Variants in ALG12 observed in about 807,000 individuals in gnomAD.
ALG12 encodes dol-P-Man:Man(7)GlcNAc(2)-PP-Dol alpha-1,6-mannosyltransferase.
Under a neutral mutation model 46.0 loss-of-function variants are expected in ALG12, and 36 were observed. The observed-to-expected ratio is 0.78, with a 90% CI of 0.60 to 1.03. The LOEUF (loss-of-function observed/expected upper bound fraction) is 1.03. ALG12 is among the 50% of genes least tolerant of loss of function. ALG12 has a pLI of 0.00. For missense variants in ALG12, 599 were observed against 633.5 expected, an observed-to-expected ratio of 0.95 and a Z score of 0.58; for synonymous variants, 326 against 291.6, an observed-to-expected ratio of 1.12 and a Z score of -1.20.
At chr22:49,879,587 C>G in the ALG12 span, among the ~76,000 whole-genome samples, 1 of 144,054 alleles carries the variant, frequency 6.9e-6, no homozygotes, top group Non-Finnish European at 1.5e-5. Context: ...TTCTCCTGGT[C>G]AGTGTCTGGG....
the ALG12 span, among the ~76,000 whole-genome samples, chr22:49,890,882 G>C: frequency 6.6e-6 from 1 of 152,104 alleles, no homozygotes; most frequent in Non-Finnish European, 1.5e-5. Flanking sequence ...TTAGCTGGGC[G>C]TGGTGGCAGG....
downstream of ALG12, among the ~76,000 whole-genome samples, chr22:49,899,324 A>G (rs1014605527): frequency 1.3e-5 from 2 of 151,974 alleles, no homozygotes; most frequent in East Asian, 1.9e-4. Flanking sequence ...AAAATACAAA[A>G]AAAATTAGCC....
chr22:49,877,676 C>G, the ALG12 span, among the ~76,000 whole-genome samples: 1 of 152,068 alleles, frequency 6.6e-6, no homozygotes, highest in Non-Finnish European at 1.5e-5. Context: ...ATATCCATAT[C>G]CATATAGTAT....
chr22:49,902,991 T>C lies in ALG12; in HGVS notation c.*847A>G. The C allele has an allele frequency of 3.0e-6, 1 of 331,090 alleles. No individual in the cohort carries two copies. The highest frequency in any genetic ancestry group is 2.3e-5 in the South Asian group (1 of 43,716). 20.5% of individuals were successfully genotyped at this position (331,090 alleles called of 1,614,324 possible). On this transcript the variant is annotated 3_prime_UTR_variant, in exon 10 of 10. Coordinates refer to ENST00000330817, the MANE Select transcript of ALG12 (RefSeq NM_024105.4). ...GTGCACTGTGTGCATGCGTGTGTGG[T>C]GTGTGTGCATGTATGCATGGTGTGT...
chr22:49,860,149 A>G, the ALG12 span, among the ~76,000 whole-genome samples: 2 of 151,584 alleles, frequency 1.3e-5, no homozygotes, highest in African/African-American at 4.9e-5. Flanking sequence ...ACATACAGAA[A>G]TCAGCCGGGC....
chr22:49,884,107 G>A, the ALG12 span: 6 of 1,613,344 alleles, frequency 3.7e-6, no homozygotes, highest in African/African-American at 1.3e-5. Context: ...AGGCAAAAAC[G>A]AGAAAGACTT....
intron 1 of ALG12, among the ~76,000 whole-genome samples, chr22:49,917,008 G>A (rs2060614321): frequency 6.6e-6 from 1 of 152,204 alleles, no homozygotes. Flanking sequence ...CCAACAAGGT[G>A]TGCCTTCTGC....
chr22:49,910,054 C>T lies in ALG12; in HGVS notation c.504G>A (p.Glu168=), dbSNP rs2060566807. The T allele has an allele frequency of 6.2e-7, 1 of 1,612,326 alleles. No homozygotes were observed. Among genetic ancestry groups the T allele is most frequent in the Non-Finnish European group, 8.5e-7 (1 of 1,179,608 alleles). Residue 168 remains glutamate (E), a synonymous_variant, in exon 5 of 10, where the codon GAG becomes GAA. Transcript: ENST00000330817. ...LLALAAWLRH[E]WARFIWLSAF... The stretch of plus-strand genomic sequence containing the variant: ...CTGACAGCCAGATGAAGCGGGCCCA[C>T]TCGTGCCGCAGCCAGGCCGCGAGGG...
the ALG12 span, chr22:49,886,396 A>G: frequency 1.9e-6 from 3 of 1,607,424 alleles, no homozygotes; most frequent in Admixed American, 1.7e-5. The surrounding 1 kb of genome is among the most constrained non-coding windows in gnomAD (Gnocchi z 7.7). Context: ...CATTAACGAG[A>G]TGTCCGTCGA....
At chr22:49,874,293 TTG>T in the ALG12 span, among the ~76,000 whole-genome samples, 1 of 152,234 alleles carries the variant, frequency 6.6e-6, no homozygotes, top group Non-Finnish European at 1.5e-5. Flanking sequence ...TGCAGAGTTT[TTG>T]CTGTGAATAG....
chr22:49,911,987 G>A (rs957851225), intron 3 of ALG12, among the ~76,000 whole-genome samples: 2 of 151,976 alleles, frequency 1.3e-5, no homozygotes, highest in Non-Finnish European at 2.9e-5. Context: ...CCTCGGCTGC[G>A]GGATCACCCT....
the ALG12 span, among the ~76,000 whole-genome samples, chr22:49,867,355 G>A: frequency 2.0e-5 from 3 of 152,206 alleles, no homozygotes; most frequent in Admixed American, 6.5e-5. Flanking sequence ...CTGAAGAAGC[G>A]TGTGCCAGGC....
chr22:49,860,369 T>C, the ALG12 span, among the ~76,000 whole-genome samples: 6 of 152,232 alleles, frequency 3.9e-5, no homozygotes, highest in African/African-American at 1.4e-4. Flanking sequence ...TCTTAAATTA[T>C]ATGTTATTCT....
In ALG12 at chr22:49,913,618, G is replaced by C; in HGVS notation, c.148C>G (p.Gln50Glu). 1 of 1,614,128 alleles carries C rather than the reference G, an allele frequency of 6.2e-7. No individual in the cohort carries two copies. The highest frequency in any genetic ancestry group is 8.5e-7 in the Non-Finnish European group (1 of 1,180,044). Residue 50 changes from glutamine to glutamate, a missense_variant, in exon 2 of 10, where the codon CAA becomes GAA. By Grantham distance (29) the Gln-to-Glu change is conservative. Transcript: ENST00000330817. ...QATHDLLYHW[Q>E]DLEQYDHLEF... ...GGGCCCCTCACCTGCTCCAGGTCTTGCCAGTGGTAGAGCAGGTCATGTGTG... is the reference window on the plus strand; with the variant it reads ...GGGCCCCTCACCTGCTCCAGGTCTTCCCAGTGGTAGAGCAGGTCATGTGTG...
the ALG12 span, among the ~76,000 whole-genome samples, chr22:49,863,570 T>C: frequency 6.7e-6 from 1 of 149,514 alleles, no homozygotes; most frequent in Non-Finnish European, 1.5e-5. Flanking sequence ...GAGGTTGCGG[T>C]GAGCTGAGAT....
chr22:49,869,035 A>G, the ALG12 span, among the ~76,000 whole-genome samples: 7 of 151,362 alleles, frequency 4.6e-5, no homozygotes, highest in Non-Finnish European at 1.0e-4. Context: ...GAGGCAGGAG[A>G]ATCACTTGAA....
At chr22:49,873,184 T>TA in the ALG12 span, among the ~76,000 whole-genome samples, 19 of 152,108 alleles carry the variant, frequency 1.2e-4, no homozygotes, top group African/African-American at 4.6e-4. Flanking sequence ...GGTACAAGAG[T>TA]CCTAGCGTTG....
In ALG12 at chr22:49,905,162, A is replaced by G. The variant is rs1018673956; in HGVS notation, c.993-656T>C. Among the ~76,000 whole-genome samples the G allele has an allele frequency of 6.6e-5, 10 of 152,068 alleles. No individual in the cohort carries two copies. The highest frequency in any genetic ancestry group is 2.4e-4 in the African/African-American group (10 of 41,410). On this transcript the variant is annotated intron_variant, in intron 7 of 9. Coordinates refer to ENST00000330817, the MANE Select transcript of ALG12 (RefSeq NM_024105.4). The surrounding 1 kb of genome is among the most constrained non-coding windows in gnomAD (Gnocchi z 4.9). ...ACAGGGTGCCGCCGGTTCTCTCACA[A>G]TCGACTATGCCAATCTCAGGATCCT...
chr22:49,877,376 C>T, the ALG12 span, among the ~76,000 whole-genome samples: 1 of 152,072 alleles, frequency 6.6e-6, no homozygotes, highest in African/African-American at 2.4e-5. Flanking sequence ...ACTGCAACCT[C>T]CGCCTCCCAG....
Sources: allele counts gnomAD v4.1 joint callset (sites outside exome capture counted in the v4.1 genomes callset), GRCh38; gene constraint gnomAD v4.1.1; non-coding constraint Gnocchi (gnomAD v3.1); transcripts MANE v1.5; gene names NCBI Gene and HGNC (gene_info 2026-07-23, HGNC 2026-07-21).